Variants in SLIT2 observed in about 807,000 individuals in gnomAD.
SLIT2 encodes the protein slit homolog 2 protein.
SLIT2 carries 41 observed loss-of-function variants against 185.7 expected under a neutral mutation model. The ratio of observed to expected loss-of-function variants is 0.22; its 90% CI spans 0.17 to 0.29. SLIT2 has a LOEUF of 0.29. Ranked by LOEUF, SLIT2 falls within the 10% of genes least tolerant of loss-of-function variation. The probability of loss-of-function intolerance (pLI) is 1.00; values close to 1 mark genes in which losing one functional copy is unlikely to be tolerated. For synonymous variants in SLIT2, 693 were observed against 680.2 expected, an observed-to-expected ratio of 1.02 and a Z score of -0.29; for missense variants, 1,571 against 1,909.0, an observed-to-expected ratio of 0.82 and a Z score of 3.30.
intron 4 of SLIT2, among the ~76,000 whole-genome samples, chr4:20,399,717 A>G (rs1457491800): frequency 2.0e-5 from 3 of 151,778 alleles, no homozygotes; most frequent in South Asian, 2.1e-4. Context: ...ATTAATTGCT[A>G]CAAGGAAAAA....
intron 4 of SLIT2, among the ~76,000 whole-genome samples, chr4:20,337,422 C>G (rs1371868851): frequency 1.3e-5 from 2 of 151,700 alleles, no homozygotes; most frequent in Non-Finnish European, 2.9e-5. Flanking sequence ...CTGGGTGCCT[C>G]CCAGTGGGAT....
Position 20,389,092 on chromosome 4 carries a change from G to A in SLIT2, c.396-78660G>A, listed in dbSNP as rs563365965. ...TAGTCTTGTTATCCATAAAGTTAAT[G>A]GGTATTTGTGGTGGGTAGACATTAC... On this transcript the variant is annotated intron_variant, in intron 4 of 36. Transcript: ENST00000504154. Among the ~76,000 whole-genome samples the A allele has an allele frequency of 4.9e-3, 731 of 150,502 alleles. 6 individuals carry two copies. Among genetic ancestry groups the A allele is most frequent in the African/African-American group, 0.017 (697 of 41,150 alleles).
intron 4 of SLIT2, among the ~76,000 whole-genome samples, chr4:20,445,254 T>C (rs1711630667): frequency 1.3e-5 from 2 of 152,248 alleles, no homozygotes; most frequent in African/African-American, 4.8e-5. Context: ...TCCAGTCTTG[T>C]TTTTATATTA....
chr4:20,550,760 G>T, intron 24 of SLIT2, 67 bp from the exon 25 acceptor site: 3 of 938,864 alleles, frequency 3.2e-6, no homozygotes, highest in Non-Finnish European at 5.0e-6. Flanking sequence ...CTAAAGTCTC[G>T]GAATTTCTCT....
intron 4 of SLIT2, among the ~76,000 whole-genome samples, chr4:20,301,445 C>A (rs904852990): frequency 6.6e-6 from 1 of 152,064 alleles, no homozygotes; most frequent in Non-Finnish European, 1.5e-5. Context: ...GTTCTTCATG[C>A]CATTCTGAAT....
At chr4:20,327,799 C>T (rs377057463) in intron 4 of SLIT2, among the ~76,000 whole-genome samples, 18 of 152,190 alleles carry the variant, frequency 1.2e-4, no homozygotes, top group African/African-American at 4.3e-4. Flanking sequence ...CATCATCCAT[C>T]TCCTTTGAAT....
intron 4 of SLIT2, among the ~76,000 whole-genome samples, chr4:20,439,757 A>AGT (rs1729606708): frequency 6.6e-6 from 1 of 152,178 alleles, no homozygotes; most frequent in South Asian, 2.1e-4. Context: ...AAAACTCACA[A>AGT]TCTACTAATA....
intron 4 of SLIT2, among the ~76,000 whole-genome samples, chr4:20,395,287 A>G (rs900363556): frequency 1.3e-5 from 2 of 152,046 alleles, no homozygotes; most frequent in Non-Finnish European, 2.9e-5. Context: ...GGAGGAATAC[A>G]CACAGAGATT....
intron 9 of SLIT2, among the ~76,000 whole-genome samples, chr4:20,497,186 C>G (rs1212096065): frequency 6.6e-6 from 1 of 151,520 alleles, no homozygotes; most frequent in Non-Finnish European, 1.5e-5. Flanking sequence ...GTCATATTCC[C>G]TCTCTAATGA....
chr4:20,607,024 C>T (rs2148974985), intron 33 of SLIT2, among the ~76,000 whole-genome samples: 1 of 152,284 alleles, frequency 6.6e-6, no homozygotes, highest in South Asian at 2.1e-4. Context: ...AACTGTTTAG[C>T]CACTAACTAG....
intron 4 of SLIT2, among the ~76,000 whole-genome samples, chr4:20,441,533 C>G (rs1729747564): frequency 6.7e-6 from 1 of 149,138 alleles, no homozygotes; most frequent in Non-Finnish European, 1.5e-5. Flanking sequence ...CTCTCTCTCT[C>G]TCTCTCTCTC....
rs745513457 is a variant in SLIT2, at chr4:20,595,863, G to A, written c.3320+29G>A. The stretch of plus-strand genomic sequence containing the variant: ...AAAGCAGAAATGAATAAGACCTAGT[G>A]TTCAATAAGACCTAGCACAACAGGG... On this transcript the variant is annotated intron_variant, in intron 31 of 36. Transcript: ENST00000504154. 5 of 1,597,512 alleles carry A rather than the reference G, an allele frequency of 3.1e-6. No homozygotes were observed. The South Asian group carries it at 5.5e-5, about 18-fold the overall frequency.
intron 4 of SLIT2, among the ~76,000 whole-genome samples, chr4:20,368,616 G>A (rs2109311532): frequency 6.6e-6 from 1 of 152,164 alleles, no homozygotes; most frequent in Non-Finnish European, 1.5e-5. Context: ...ACCTGTGCAG[G>A]AATCTGAAAA....
intron 4 of SLIT2, among the ~76,000 whole-genome samples, chr4:20,422,902 A>G (rs1021575832): frequency 1.3e-5 from 2 of 151,100 alleles, no homozygotes; most frequent in Non-Finnish European, 1.5e-5. Context: ...ATGTGGCACT[A>G]TTAACTTTAG....
chr4:20,598,326 T>C lies in SLIT2; in HGVS notation c.3623T>C (p.Val1208Ala), dbSNP rs1560228097. The C allele has an allele frequency of 1.2e-6, 2 of 1,613,976 alleles. No individual in the cohort carries two copies. The highest frequency in any genetic ancestry group is 8.5e-7 in the Non-Finnish European group (1 of 1,180,002). ...AAGGGTGACAAAGACCATATCGCGG[T>C]AGAACTCTATCGGGGGCGTGTTCGT... Reference protein sequence around the residue: ...LYKGDKDHIAVELYRGRVRAS... With the variant: ...LYKGDKDHIAAELYRGRVRAS... Residue 1208 changes from valine to alanine, a missense_variant, in exon 33 of 37, where the codon GTA becomes GCA. Transcript: ENST00000504154.
intron 4 of SLIT2, among the ~76,000 whole-genome samples, chr4:20,342,954 T>C (rs892917979): frequency 6.6e-6 from 1 of 152,002 alleles, no homozygotes; most frequent in African/African-American, 2.4e-5. Flanking sequence ...TTTTCCATTA[T>C]TTTTGATGCA....
intron 4 of SLIT2, among the ~76,000 whole-genome samples, chr4:20,280,998 G>A (rs141634840): frequency 0.036 from 5,501 of 151,962 alleles, 247 homozygotes; most frequent in East Asian, 0.1. Flanking sequence ...ACGCCCGGCT[G>A]ATTTTTGTGT....
intron 30 of SLIT2, 117 bp downstream of exon 30, chr4:20,589,854 T>A: frequency 1.5e-6 from 1 of 649,570 alleles, no homozygotes; most frequent in South Asian, 1.8e-5. Context: ...AGGGACCTAT[T>A]CACTAGTATC....
chr4:20,593,388 A>T (rs1473778843), intron 30 of SLIT2, among the ~76,000 whole-genome samples: 2 of 152,166 alleles, frequency 1.3e-5, no homozygotes, highest in Non-Finnish European at 1.5e-5. Flanking sequence ...AGTAAGACAA[A>T]TACCGGATGA....
Sources: gnomAD v4.1 joint callset for allele counts (sites outside exome capture counted in the v4.1 genomes callset) on GRCh38, gnomAD v4.1.1 for gene constraint, MANE v1.5 for transcripts, NCBI Gene and HGNC (gene_info 2026-07-23, HGNC 2026-07-21) for gene names.